The following KIAA1549L variants were observed in gnomAD, a reference collection of about 807,000 sequenced individuals.
The protein encoded by KIAA1549L is UPF0606 protein KIAA1549L.
A neutral mutation model predicts 160.7 loss-of-function variants in KIAA1549L; 88 were observed. The observed-to-expected ratio is 0.55, with a 90% confidence interval of 0.46 to 0.65. The LOEUF (loss-of-function observed/expected upper bound fraction) is 0.65. Among genes scored for constraint, KIAA1549L ranks in the 30% least tolerant of loss-of-function variants. KIAA1549L has a pLI of 0.00. For synonymous variants in KIAA1549L, 950 were observed against 976.7 expected, an observed-to-expected ratio of 0.97 and a Z score of 0.51; for missense variants, 2,258 against 2,437.5, an observed-to-expected ratio of 0.93 and a Z score of 1.55.
At chr11:33,450,015 G>A (rs545110253) in intron 1 of KIAA1549L, among the ~76,000 whole-genome samples, 14 of 152,288 alleles carry the variant, frequency 9.2e-5, no homozygotes, top group Middle Eastern at 3.4e-3. Context: ...TTGCAGAGCT[G>A]CTTCAGTGGC....
chr11:33,457,928 A>G (rs1264787036), intron 1 of KIAA1549L, among the ~76,000 whole-genome samples: 3 of 152,188 alleles, frequency 2.0e-5, no homozygotes, highest in Admixed American at 6.5e-5. Context: ...TCTCTTCTAC[A>G]GTCCAGAACG....
chr11:33,459,156 C>T (rs1851889107), intron 1 of KIAA1549L, among the ~76,000 whole-genome samples: 1 of 152,192 alleles, frequency 6.6e-6, no homozygotes, highest in Non-Finnish European at 1.5e-5. Context: ...TCTACAGCAG[C>T]TTGAATTGAT....
intron 1 of KIAA1549L, among the ~76,000 whole-genome samples, chr11:33,434,636 G>T (rs1213587192): frequency 1.3e-5 from 2 of 152,198 alleles, no homozygotes; most frequent in Non-Finnish European, 2.9e-5. Context: ...CTCAAAACCA[G>T]CAGCCATTTG....
chr11:33,396,725 G>A, intron 1 of KIAA1549L, among the ~76,000 whole-genome samples: 1 of 152,044 alleles, frequency 6.6e-6, no homozygotes, highest in Non-Finnish European at 1.5e-5. Flanking sequence ...GCTAAGGCAG[G>A]TGGATCACCT....
intron 1 of KIAA1549L, among the ~76,000 whole-genome samples, chr11:33,519,600 T>C (rs558190727): frequency 6.6e-6 from 1 of 152,318 alleles, no homozygotes; most frequent in African/African-American, 2.4e-5. Context: ...TTTATGTTTT[T>C]AACTTCAAGA....
At chr11:33,426,611 T>C (rs1278267526) in intron 1 of KIAA1549L, among the ~76,000 whole-genome samples, 2 of 152,164 alleles carry the variant, frequency 1.3e-5, no homozygotes, top group Non-Finnish European at 2.9e-5. Flanking sequence ...TACCCTTAGA[T>C]TGAAAGTTTG....
chr11:33,445,620 A>G (rs1207011389), intron 1 of KIAA1549L, among the ~76,000 whole-genome samples: 1 of 152,226 alleles, frequency 6.6e-6, no homozygotes, highest in African/African-American at 2.4e-5. Flanking sequence ...TAAGAATGAT[A>G]TGTTGGACTC....
chr11:33,380,610 C>T (rs1466328408), intron 1 of KIAA1549L, among the ~76,000 whole-genome samples: 2 of 152,090 alleles, frequency 1.3e-5, no homozygotes, highest in Non-Finnish European at 2.9e-5. Context: ...TCTTGATGAT[C>T]TAATATCGTC....
At chr11:33,477,782 T>C (rs1210612297) in intron 1 of KIAA1549L, among the ~76,000 whole-genome samples, 1 of 152,056 alleles carries the variant, frequency 6.6e-6, no homozygotes, top group Non-Finnish European at 1.5e-5. Context: ...TTTGTCTTTA[T>C]GTTTCTGTCA....
intron 1 of KIAA1549L, among the ~76,000 whole-genome samples, chr11:33,539,951 CTG>C (rs1345663055): frequency 6.6e-6 from 1 of 152,202 alleles, no homozygotes; most frequent in Non-Finnish European, 1.5e-5. Flanking sequence ...ATTTGGAATA[CTG>C]TGTTTCATAG....
At chr11:33,498,449 A>G (rs1852869959) in intron 1 of KIAA1549L, among the ~76,000 whole-genome samples, 1 of 152,216 alleles carries the variant, frequency 6.6e-6, no homozygotes, top group African/African-American at 2.4e-5. Flanking sequence ...GGAGATGGCT[A>G]GTATATGCTT....
chr11:33,531,174 A>T (rs1256615931), intron 1 of KIAA1549L, among the ~76,000 whole-genome samples: 1 of 152,232 alleles, frequency 6.6e-6, no homozygotes, highest in Non-Finnish European at 1.5e-5. Context: ...TATTACTTTT[A>T]AAATGGGGAG....
chr11:33,499,032 G>A (rs1309274519), intron 1 of KIAA1549L, among the ~76,000 whole-genome samples: 1 of 151,962 alleles, frequency 6.6e-6, no homozygotes, highest in East Asian at 1.9e-4. Context: ...AATATGTAGA[G>A]CCTTTTGTGC....
At chr11:33,581,820 GT>G (rs1380074554) in intron 10 of KIAA1549L, among the ~76,000 whole-genome samples, 1 of 152,146 alleles carries the variant, frequency 6.6e-6, no homozygotes, top group African/African-American at 2.4e-5. Flanking sequence ...TTATTAATGT[GT>G]CCAAGATAAA....
At chr11:33,648,843 A>T (rs892055836) in intron 17 of KIAA1549L, among the ~76,000 whole-genome samples, 1 of 152,170 alleles carries the variant, frequency 6.6e-6, no homozygotes, top group Admixed American at 6.5e-5. Context: ...GGGCTAACAC[A>T]TCTTCCCCAC....
chr11:33,379,673 G>A (rs1850033708), intron 1 of KIAA1549L, among the ~76,000 whole-genome samples: 1 of 152,196 alleles, frequency 6.6e-6, no homozygotes, highest in South Asian at 2.1e-4. Flanking sequence ...GCTACTCAAT[G>A]TGACTGTCTG....
At chr11:33,397,362 TTAA>T (rs1850400130) in intron 1 of KIAA1549L, among the ~76,000 whole-genome samples, 1 of 146,848 alleles carries the variant, frequency 6.8e-6, no homozygotes, top group African/African-American at 2.5e-5. Context: ...CAAAAATGAA[TTAA>T]TGTTTAAGCT....
At chr11:33,436,336 G>A (rs1851380780) in intron 1 of KIAA1549L, among the ~76,000 whole-genome samples, 2 of 152,304 alleles carry the variant, frequency 1.3e-5, no homozygotes, top group South Asian at 2.1e-4. Flanking sequence ...ACCCAGGAGA[G>A]CCAATGGTAT....
intron 1 of KIAA1549L, among the ~76,000 whole-genome samples, chr11:33,415,802 TTTTA>T (rs1311305732): frequency 6.6e-6 from 1 of 152,078 alleles, no homozygotes; most frequent in Non-Finnish European, 1.5e-5. Context: ...CAGCATTTAT[TTTTA>T]TTTATTTATT....
Sources: allele counts gnomAD v4.1 joint callset (sites outside exome capture counted in the v4.1 genomes callset), GRCh38; gene constraint gnomAD v4.1.1; transcripts MANE v1.5; gene names NCBI Gene and HGNC (gene_info 2026-07-23, HGNC 2026-07-21).